The following LNX1 variants were observed in gnomAD, a reference collection of about 807,000 sequenced individuals.
LNX1 encodes E3 ubiquitin-protein ligase LNX.
Under a neutral mutation model 68.4 loss-of-function variants are expected in LNX1, and 54 were observed. That is an observed-to-expected ratio of 0.79 (90% confidence interval 0.63 to 0.99). The LOEUF is 0.99. Ranked by LOEUF, LNX1 falls within the 50% of genes least tolerant of loss-of-function variation. The pLI, the probability that LNX1 is intolerant of heterozygous loss-of-function variation, is 0.00. For missense variants in LNX1, 906 were observed against 926.4 expected (o/e 0.98, Z 0.29); for synonymous variants, 336 against 350.0 (o/e 0.96, Z 0.45).
intron 1 of LNX1, among the ~76,000 whole-genome samples, chr4:53,581,831 T>C (rs1173439043): frequency 1.3e-5 from 2 of 152,168 alleles, no homozygotes; most frequent in Non-Finnish European, 2.9e-5. Flanking sequence ...ATTGAGGAAA[T>C]TGCCATGTTT....
At chr4:53,628,518 G>A (rs1734156195) in intron 1 of LNX1, among the ~76,000 whole-genome samples, 1 of 152,166 alleles carries the variant, frequency 6.6e-6, no homozygotes, top group East Asian at 1.9e-4. Context: ...TGACAAAAGG[G>A]GAATGCTGGC....
rs59260730 is a variant in LNX1 at position 53,506,856 on chromosome 4, TAAAAAA to T, written c.775+455_775+460del. ...CCTGGGCGACAAGCAAAACTCTGTC[TAAAAAA>T]AAAAAAAAAAAAAGAGGAATAATAG... On this transcript the variant is annotated intron_variant, in intron 4 of 10. Transcript: ENST00000263925. Among the ~76,000 whole-genome samples, 12 of 54,206 alleles carry T rather than the reference TAAAAAA, an allele frequency of 2.2e-4. 1 individual carries two copies. The Admixed American group carries it at 2.3e-3, about 10-fold the overall frequency. 35.6% of individuals were successfully genotyped at this position (54,206 alleles called of 152,430 possible).
intron 6 of LNX1, among the ~76,000 whole-genome samples, chr4:53,488,143 A>G (rs1402568160): frequency 6.6e-6 from 1 of 152,224 alleles, no homozygotes; most frequent in Non-Finnish European, 1.5e-5. Context: ...ATTCCTTGCC[A>G]TGTTGTCACC....
chr4:53,513,966 C>G (rs936995031), intron 2 of LNX1, among the ~76,000 whole-genome samples: 14 of 152,220 alleles, frequency 9.2e-5, no homozygotes, highest in Non-Finnish European at 4.4e-5. Flanking sequence ...AGTCCTCAAA[C>G]TTGCCCACCA....
At chr4:53,514,452 G>A (rs1194902577) in intron 2 of LNX1, among the ~76,000 whole-genome samples, 6 of 152,098 alleles carry the variant, frequency 3.9e-5, no homozygotes, top group Non-Finnish European at 7.3e-5. Context: ...AAGATGAGGA[G>A]GAGCAAAGTG....
intron 9 of LNX1, among the ~76,000 whole-genome samples, chr4:53,467,603 G>C (rs1041152040): frequency 3.3e-5 from 5 of 152,138 alleles, no homozygotes; most frequent in African/African-American, 1.2e-4. Context: ...AAAAAAATTA[G>C]ACAAATGGCT....
intron 2 of LNX1, among the ~76,000 whole-genome samples, chr4:53,538,940 A>C (rs1728565099): frequency 6.6e-6 from 1 of 152,252 alleles, no homozygotes; most frequent in Admixed American, 6.5e-5. Flanking sequence ...GCCGATTAAC[A>C]GTCATGCACA....
Position 53,460,794 on chromosome 4 carries a change from C to T in LNX1, c.*113G>A. On this transcript the variant is annotated 3_prime_UTR_variant, in exon 11 of 11. Transcript: ENST00000263925. ...CATTAGATGATCATACTTTTCCTGA[C>T]ATTTTTACAATGTATTCTTTCTTTA... The T allele has an allele frequency of 1.8e-6, 2 of 1,098,984 alleles. No homozygotes were observed. Among genetic ancestry groups the T allele is most frequent in the Non-Finnish European group, 2.6e-6 (2 of 768,628 alleles). 68.1% of individuals were successfully genotyped at this position (1,098,984 alleles called of 1,614,324 possible). A position where few individuals can be genotyped will look rare whatever the true frequency, so the allele number is the denominator to read the frequency against.
At chr4:53,524,349 T>TAAC (rs1727461482) in intron 2 of LNX1, 1 of 152,136 alleles carries the variant, frequency 6.6e-6, no homozygotes, top group Admixed American at 6.6e-5. Flanking sequence ...GCACTTAAGG[T>TAAC]AACAAATGTT....
At chr4:53,575,497 T>G (rs1731426020) in intron 1 of LNX1, 1 of 985,434 alleles carries the variant, frequency 1.0e-6, no homozygotes, top group Non-Finnish European at 1.2e-6. Flanking sequence ...GATATGCTTC[T>G]GCCCTCAGGG....
intron 2 of LNX1, among the ~76,000 whole-genome samples, chr4:53,609,274 AG>A (rs1435172856): frequency 7.3e-5 from 9 of 123,462 alleles, no homozygotes; most frequent in African/African-American, 2.6e-4. Context: ...CTAAACTAAA[AG>A]TAAAAAAAAA....
intron 1 of LNX1, among the ~76,000 whole-genome samples, chr4:53,650,949 A>G (rs1240946890): frequency 6.6e-6 from 1 of 152,188 alleles, no homozygotes; most frequent in Non-Finnish European, 1.5e-5. Context: ...GCACCAGGAA[A>G]GACTTCACAT....
At chr4:53,605,505 A>G (rs2668568) in intron 2 of LNX1, among the ~76,000 whole-genome samples, 75,338 of 151,918 alleles carry the variant, frequency 0.5, 18,896 homozygotes, top group East Asian at 0.65. Context: ...TGTAACTATA[A>G]TCTGCATGCT....
intron 2 of LNX1, among the ~76,000 whole-genome samples, chr4:53,539,516 C>T (rs1412837981): frequency 1.3e-5 from 2 of 152,330 alleles, no homozygotes; most frequent in Middle Eastern, 3.4e-3. Flanking sequence ...CAGGCATGTG[C>T]CACCATGCCC....
chr4:53,480,257 C>T (rs1723825448), intron 7 of LNX1, among the ~76,000 whole-genome samples: 1 of 152,132 alleles, frequency 6.6e-6, no homozygotes, highest in South Asian at 2.1e-4. Flanking sequence ...GAAATAATTA[C>T]AATTCCGACT....
At chr4:53,475,894 C>T (rs529437041) in intron 9 of LNX1, among the ~76,000 whole-genome samples, 18 of 152,280 alleles carry the variant, frequency 1.2e-4, no homozygotes, top group African/African-American at 4.3e-4. Context: ...CAGGAGCAGG[C>T]CCTAAGGAGA....
intron 2 of LNX1, among the ~76,000 whole-genome samples, chr4:53,531,498 C>A (rs1033690647): frequency 2.0e-5 from 3 of 152,206 alleles, no homozygotes; most frequent in African/African-American, 4.8e-5. Flanking sequence ...CTGGATGAGA[C>A]ACACGGAAAT....
chr4:53,594,877 A>G (rs368055555), upstream of LNX1, among the ~76,000 whole-genome samples: 36 of 151,428 alleles, frequency 2.4e-4, 2 homozygotes, highest in Admixed American at 1.8e-3. Flanking sequence ...ATGCCCTGCT[A>G]GTTTTTAAAT....
intron 2 of LNX1, among the ~76,000 whole-genome samples, chr4:53,542,848 C>T (rs1373883709): frequency 6.6e-6 from 1 of 152,186 alleles, no homozygotes; most frequent in Non-Finnish European, 1.5e-5. Context: ...GAACCCCCCT[C>T]TCCCATCAGG....
Sources: gnomAD v4.1 joint callset for allele counts (sites outside exome capture counted in the v4.1 genomes callset) on GRCh38, gnomAD v4.1.1 for gene constraint, MANE v1.5 for transcripts, NCBI Gene and HGNC (gene_info 2026-07-23, HGNC 2026-07-21) for gene names.